The following COG7 variants were observed in gnomAD, a reference collection of about 807,000 sequenced individuals.
The protein encoded by COG7 is component of oligomeric golgi complex 7, also known as conserved oligomeric Golgi complex subunit 7.
A neutral mutation model predicts 91.5 loss-of-function variants in COG7; 49 were observed. The ratio of observed to expected loss-of-function variants is 0.54; its 90% CI spans 0.43 to 0.68. The LOEUF (loss-of-function observed/expected upper bound fraction) is 0.68, where lower values mean the gene tolerates loss of function less well. Ranked by LOEUF, COG7 falls within the 30% of genes least tolerant of loss-of-function variation. The pLI, the probability that COG7 is intolerant of heterozygous loss-of-function variation, is 0.00. For missense variants in COG7, 895 were observed against 961.3 expected, an observed-to-expected ratio of 0.93 and a Z score of 0.91; for synonymous variants, 365 against 388.7, an observed-to-expected ratio of 0.94 and a Z score of 0.72.
intron 4 of COG7, 117 bp downstream of exon 4, chr16:23,442,360 A>C: frequency 6.2e-6 from 5 of 807,874 alleles, no homozygotes; most frequent in Non-Finnish European, 1.0e-5. Flanking sequence ...AAAATTACAG[A>C]GTTCCTTCTA....
Position 23,388,624 on chromosome 16 carries a change from C to CTTT in COG7, c.*293_*295dup, listed in dbSNP as rs567617218. The CTTT allele has an allele frequency of 7.1e-5, 11 of 155,692 alleles. No homozygotes were observed. The highest frequency in any genetic ancestry group is 1.3e-4 in the South Asian group (1 of 7,584). 9.6% of individuals were successfully genotyped at this position (155,692 alleles called of 1,614,324 possible). On this transcript the variant is annotated 3_prime_UTR_variant, in exon 17 of 17. Transcript: ENST00000307149. ...TTTTGATTATACAAATGAACCAAGT[C>CTTT]TTTTTTTTTTTTTTTTTTGAGACAG...
At chr16:23,394,510 G>GA (rs1567327520) in intron 14 of COG7, among the ~76,000 whole-genome samples, 1 of 148,328 alleles carries the variant, frequency 6.7e-6, no homozygotes. Context: ...GCCTGTTGTT[G>GA]TTTTTTTTTT....
At chr16:23,439,050 C>T (rs1196132167) in intron 4 of COG7, among the ~76,000 whole-genome samples, 1 of 150,040 alleles carries the variant, frequency 6.7e-6, no homozygotes, top group Non-Finnish European at 1.5e-5. Context: ...CCCAGCTACT[C>T]GGGAGGCTGA....
chr16:23,447,459 C>T (rs1964199570), intron 1 of COG7, among the ~76,000 whole-genome samples: 1 of 151,862 alleles, frequency 6.6e-6, no homozygotes, highest in East Asian at 2.0e-4. Flanking sequence ...GATCCACCCA[C>T]CTCAGCCTCC....
intron 4 of COG7, among the ~76,000 whole-genome samples, chr16:23,436,713 G>A (rs1420092284): frequency 6.6e-6 from 1 of 152,096 alleles, no homozygotes; most frequent in Non-Finnish European, 1.5e-5. Flanking sequence ...GCAACAGAGT[G>A]TAGACTCTGT....
intron 1 of COG7, among the ~76,000 whole-genome samples, chr16:23,447,868 C>T (rs534285947): frequency 1.3e-5 from 2 of 151,770 alleles, no homozygotes; most frequent in African/African-American, 2.4e-5. Flanking sequence ...CCACTGCACT[C>T]CAGCCTGGCA....
rs115813844 is a variant in COG7 at position 23,398,111 on chromosome 16, T to C, written c.1822A>G (p.Ile608Val). ...AGTTCATCTGTGAGGGTTTCTCCGATGCCAGCCGTATTCCAGCTCTAAGGG... is the reference window on the plus strand; with the variant it reads ...AGTTCATCTGTGAGGGTTTCTCCGACGCCAGCCGTATTCCAGCTCTAAGGG... Reference protein sequence around the residue: ...SKMDSWNTAGIGETLTDELPA... With the variant: ...SKMDSWNTAGVGETLTDELPA... The change falls in exon 14 of 17, where the codon ATC (isoleucine) becomes GTC (valine). Residue 608 changes from isoleucine to valine, a missense_variant. Transcript: ENST00000307149. 78 of 1,614,158 alleles carry C rather than the reference T, an allele frequency of 4.8e-5. No individual in the cohort carries two copies. The highest frequency in any genetic ancestry group is 1.6e-4 in the Middle Eastern group (1 of 6,062).
At chr16:23,406,995 G>C (rs527790309) in intron 11 of COG7, among the ~76,000 whole-genome samples, 1 of 152,278 alleles carries the variant, frequency 6.6e-6, no homozygotes, top group South Asian at 2.1e-4. Context: ...AATATGTACA[G>C]AATTACATGA....
intron 12 of COG7, among the ~76,000 whole-genome samples, chr16:23,405,520 T>C (rs972178171): frequency 5.4e-5 from 8 of 149,370 alleles, no homozygotes; most frequent in Non-Finnish European, 1.2e-4. Flanking sequence ...TTTTTTCCTT[T>C]TTTTTTTTTT....
intron 4 of COG7, among the ~76,000 whole-genome samples, chr16:23,436,704 C>T (rs974276450): frequency 6.6e-6 from 1 of 152,080 alleles, no homozygotes; most frequent in Non-Finnish European, 1.5e-5. Context: ...CCAGCCTGGG[C>T]AACAGAGTGT....
intron 3 of COG7, 112 bp from the exon 4 acceptor site, chr16:23,442,757 G>T: frequency 2.1e-6 from 2 of 962,434 alleles, no homozygotes; most frequent in South Asian, 1.3e-5. Flanking sequence ...ATGGGGCTGG[G>T]CATCGTGGTG....
At chr16:23,419,009 T>C (rs946554801) in intron 7 of COG7, among the ~76,000 whole-genome samples, 182 bp from the exon 8 acceptor site, 3 of 152,214 alleles carry the variant, frequency 2.0e-5, no homozygotes, top group African/African-American at 4.8e-5. Context: ...TCAGCAAATA[T>C]CTGGATAAAT....
At chr16:23,452,183 A>G (rs1444069715) in intron 1 of COG7, among the ~76,000 whole-genome samples, 1 of 152,246 alleles carries the variant, frequency 6.6e-6, no homozygotes, top group Non-Finnish European at 1.5e-5. Context: ...CCTATGGATA[A>G]TAATAAAAAG....
chr16:23,419,286 C>T (rs1389777411), intron 7 of COG7, among the ~76,000 whole-genome samples: 3 of 152,060 alleles, frequency 2.0e-5, no homozygotes, highest in Non-Finnish European at 1.5e-5. Flanking sequence ...TGGCACATGC[C>T]TGTAATCCCA....
chr16:23,392,114 G>C (rs1025173872), intron 16 of COG7: 21 of 1,353,652 alleles, frequency 1.6e-5, no homozygotes, highest in Non-Finnish European at 1.8e-5. Flanking sequence ...TGCAGGACTC[G>C]CTGAATCTTA....
intron 1 of COG7, chr16:23,446,613 G>T (rs879329580): frequency 1.3e-5 from 2 of 153,942 alleles, no homozygotes; most frequent in Admixed American, 1.3e-4. Context: ...CACCCGCCTG[G>T]CTAATTTTTT....
intron 4 of COG7, among the ~76,000 whole-genome samples, chr16:23,439,149 CTG>C (rs982700061): frequency 3.1e-5 from 4 of 128,170 alleles, no homozygotes; most frequent in African/African-American, 9.4e-5. Context: ...CAGAGTTAAA[CTG>C]TGTCTCCAAA....
chr16:23,388,905 C>T lies in COG7; in HGVS notation c.*15G>A, dbSNP rs368516713. ...AGCAGCCCTGGCTCTCTTGGTGGTC[C>T]GGTGTGTGGTGGGGTCAGTAATTCA... On this transcript the variant is annotated 3_prime_UTR_variant, in exon 17 of 17. Transcript: ENST00000307149. The T allele has an allele frequency of 1.4e-4, 227 of 1,613,538 alleles. 1 individual carries two copies. Among genetic ancestry groups the T allele is most frequent in the South Asian group, 4.4e-4 (40 of 90,964 alleles).
rs1963870984 is a variant in COG7, at chr16:23,427,702, CCT to C, written c.811-2757_811-2756del. On this transcript the variant is annotated intron_variant, in intron 6 of 16. Transcript: ENST00000307149. ...TCCATTGAACCAGGATGAAAACTGC[CCT>C]CTGACTCTCTGTTCTTGTGGTCCAT... Among the ~76,000 whole-genome samples, 3 of 152,108 alleles carry C rather than the reference CCT, an allele frequency of 2.0e-5. No individual in the cohort carries two copies. The South Asian group carries it at 6.2e-4, about 32-fold the overall frequency.
Sources: gnomAD v4.1 joint callset for allele counts (sites outside exome capture counted in the v4.1 genomes callset) on GRCh38, gnomAD v4.1.1 for gene constraint, MANE v1.5 for transcripts, NCBI Gene and HGNC (gene_info 2026-07-23, HGNC 2026-07-21) for gene names.